SCLY: variants seen among roughly 807,000 people sequenced by gnomAD.
SCLY encodes the protein putative selenocysteine lyase.
A neutral mutation model predicts 50.1 loss-of-function variants in SCLY; 38 were observed. The ratio of observed to expected loss-of-function variants is 0.76; its 90% CI spans 0.59 to 0.99. The LOEUF is 0.99. Among genes scored for constraint, SCLY ranks in the 50% least tolerant of loss-of-function variants. The pLI is 0.00. For missense variants in SCLY, 600 were observed against 620.0 expected (o/e 0.97, Z 0.34); for synonymous variants, 243 against 249.4 (o/e 0.97, Z 0.24).
chr2:238,095,268 C>T (rs572962052), intron 10 of SCLY, among the ~76,000 whole-genome samples: 1 of 152,274 alleles, frequency 6.6e-6, no homozygotes, highest in South Asian at 2.1e-4. Flanking sequence ...TTTCCTGCAA[C>T]ATCTGCCTCG....
At chr2:238,073,260 A>T (rs2065143421) in intron 4 of SCLY, among the ~76,000 whole-genome samples, 1 of 152,202 alleles carries the variant, frequency 6.6e-6, no homozygotes, top group Non-Finnish European at 1.5e-5. Context: ...TGATTACTGT[A>T]GTTTGTAGTA....
At chr2:238,079,173 C>G (rs1194671417) in intron 4 of SCLY, 1 of 143,682 alleles carries the variant, frequency 7.0e-6, no homozygotes, top group Non-Finnish European at 1.5e-5. Flanking sequence ...CTCCCAGGCT[C>G]AAGTGATCCT....
Position 238,098,260 on chromosome 2 carries a change from C to G in SCLY, c.1243C>G (p.Arg415Gly), listed in dbSNP as rs367625492. 1 of 1,610,598 alleles carries G rather than the reference C, an allele frequency of 6.2e-7. No homozygotes were observed. The highest frequency in any genetic ancestry group is 1.3e-5 in the African/African-American group (1 of 74,858). The change falls in exon 12 of 12, where the codon CGG becomes GGG. Residue 415 changes from arginine to glycine, a missense_variant. Physicochemically the swap from Arg to Gly is moderately radical, Grantham distance 125. Transcript: ENST00000254663. ...CTTCGACGTGGCCAGGAACGCGCTC[C>G]GGCTCAGCGTGGGCCGCAGCACCAC... ...VPFDVARNAL[R>G]LSVGRSTTRA...
chr2:238,091,246 C>A lies in SCLY; in HGVS notation c.913C>A (p.Leu305Ile), dbSNP rs368821916. Reference sequence around the variant, plus strand: ...AGAGAACACCCCAATGATTGCTGGCCTTGGGAAGGTGAGCCCTGGTGAGCT... The same window carrying A: ...AGAGAACACCCCAATGATTGCTGGCATTGGGAAGGTGAGCCCTGGTGAGCT... Reference protein sequence around the residue: ...GTENTPMIAGLGKAAELVTQN... With the variant: ...GTENTPMIAGIGKAAELVTQN... The change falls in exon 8 of 12, where the codon CTT becomes ATT. Residue 305 changes from leucine (L) to isoleucine (I), a missense_variant. By Grantham distance (5) the Leu-to-Ile change is conservative. Coordinates refer to ENST00000254663, the MANE Select transcript of SCLY (RefSeq NM_016510.7). The A allele has an allele frequency of 1.2e-6, 2 of 1,613,420 alleles. No individual in the cohort carries two copies. The highest frequency in any genetic ancestry group is 1.7e-6 in the Non-Finnish European group (2 of 1,179,514).
intron 1 of SCLY, among the ~76,000 whole-genome samples, chr2:238,062,689 G>C (rs1052849095): frequency 3.3e-5 from 5 of 152,256 alleles, no homozygotes; most frequent in African/African-American, 1.2e-4. Context: ...CGGGATTACA[G>C]GCGTGAGCCA....
intron 8 of SCLY, 130 bp downstream of exon 8, chr2:238,091,384 C>A: frequency 1.2e-6 from 1 of 808,424 alleles, no homozygotes; most frequent in Non-Finnish European, 2.2e-6. Flanking sequence ...CAAGAAAAAG[C>A]CTGGAATCTG....
intron 4 of SCLY, 54 bp from the exon 5 acceptor site, chr2:238,081,655 T>C: frequency 1.9e-6 from 3 of 1,582,662 alleles, no homozygotes; most frequent in Non-Finnish European, 2.6e-6. Flanking sequence ...GGAACGCAGT[T>C]TTGAGAGGAA....
At position 238,098,605 on chromosome 2, in the gene SCLY, A is replaced by ACCGCCCACATGGGAACGCCCACATG. The variant is rs1553568600; in HGVS notation, c.*250_*251insCCGCCCACATGGGAACGCCCACATG. 1,527 of 311,218 alleles carry ACCGCCCACATGGGAACGCCCACATG rather than the reference A, an allele frequency of 4.9e-3. 89 individuals are homozygous for ACCGCCCACATGGGAACGCCCACATG. Among genetic ancestry groups the ACCGCCCACATGGGAACGCCCACATG allele is most frequent in the Non-Finnish European group, 6.1e-3 (1,162 of 189,170 alleles). 19.3% of individuals were successfully genotyped at this position (311,218 alleles called of 1,614,324 possible). A position where few individuals can be genotyped will look rare whatever the true frequency, so the allele number is the denominator to read the frequency against. On this transcript the variant is annotated 3_prime_UTR_variant, in exon 12 of 12. Coordinates refer to ENST00000254663, the MANE Select transcript of SCLY (RefSeq NM_016510.7). ...ACCGCCCACATAGGACCGCCCACAT[A>ACCGCCCACATGGGAACGCCCACATG]GGACCGCCCACATGGGACCGCCCAC...
rs1691347263 is a variant in SCLY at position 238,098,651 on chromosome 2, C to CGCCCACATAGAACCGTCCACATGGGAA, written c.*296_*297insGCCCACATAGAACCGTCCACATGGGAA. On this transcript the variant is annotated 3_prime_UTR_variant, in exon 12 of 12. Transcript: ENST00000254663. ...CCCACATGGGACCGCCCACATGGGACCGCCCACATAGAACCGTCCTCCAGT... is the reference window on the plus strand; with the variant it reads ...CCCACATGGGACCGCCCACATGGGACGCCCACATAGAACCGTCCACATGGGAACGCCCACATAGAACCGTCCTCCAGT... The CGCCCACATAGAACCGTCCACATGGGAA allele has an allele frequency of 2.5e-5, 8 of 322,104 alleles. No homozygotes were observed. In the South Asian group the frequency reaches 4.2e-4, roughly 17 times the overall value. 20.0% of individuals were successfully genotyped at this position (322,104 alleles called of 1,614,324 possible).
At chr2:238,094,778 C>T (rs1029351633) in intron 10 of SCLY, 15 of 436,014 alleles carry the variant, frequency 3.4e-5, no homozygotes, top group Middle Eastern at 1.2e-3. Flanking sequence ...GGCAAACTCT[C>T]GTGTCTGGCA....
chr2:238,068,113 A>G lies in SCLY; in HGVS notation c.251A>G (p.Lys84Arg). 2.5e-6 allele frequency: 4 copies of G among 1,612,378 alleles called. No homozygotes were observed. The highest frequency in any genetic ancestry group is 3.4e-6 in the Non-Finnish European group (4 of 1,179,370). ...IINAARESLA[K>R]MIGGKPQDII... ...AATGCAGCTCGGGAAAGCCTCGCGA[A>G]GATGATAGGGGGGAAACCTCAAGAT... Residue 84 changes from lysine (K) to arginine (R), a missense_variant, in exon 3 of 12, where the codon AAG (lysine) becomes AGG (arginine). Physicochemically the swap from Lys to Arg is conservative, Grantham distance 26. Coordinates refer to ENST00000254663, the MANE Select transcript of SCLY (RefSeq NM_016510.7).
intron 7 of SCLY, among the ~76,000 whole-genome samples, chr2:238,089,343 CA>C (rs2065336191): frequency 6.6e-6 from 1 of 152,140 alleles, no homozygotes; most frequent in Non-Finnish European, 1.5e-5. Flanking sequence ...CAATTTCTAT[CA>C]AAATCCCAGC....
chr2:238,068,329 G>A (rs2065094678), intron 3 of SCLY, 164 bp downstream of exon 3: 1 of 531,812 alleles, frequency 1.9e-6, no homozygotes, highest in Non-Finnish European at 3.2e-6. Flanking sequence ...CAGGAGGGTT[G>A]GTTGAGCCCA....
chr2:238,069,571 G>A lies in SCLY; in HGVS notation c.484+94G>A. 8.6e-7 allele frequency: 1 copy of A among 1,158,032 alleles called. No individual in the cohort carries two copies. The highest frequency in any genetic ancestry group is 1.2e-6 in the Non-Finnish European group (1 of 832,726). 71.7% of individuals were successfully genotyped at this position (1,158,032 alleles called of 1,614,324 possible). On this transcript the variant is annotated intron_variant, in intron 4 of 11. Transcript: ENST00000254663. The surrounding 1 kb of genome is among the most constrained non-coding windows in gnomAD (Gnocchi z 5.0). ...CGAGCAGAGCCCGGGATCCGCTGCA[G>A]AGATGTAGATTCAGTGTGCCACTCA... is the stretch of plus-strand genomic sequence containing the variant.
chr2:238,093,985 C>G, intron 9 of SCLY, 41 bp downstream of exon 9: 1 of 1,562,516 alleles, frequency 6.4e-7, no homozygotes, highest in Non-Finnish European at 8.8e-7. Context: ...GGGGAGGGTG[C>G]GTGGGGCAGG....
rs1281797735 is a variant in SCLY at position 238,098,334 on chromosome 2, G to A, written c.1317G>A (p.Ala439=). 16 of 1,601,992 alleles carry A rather than the reference G, an allele frequency of 1.0e-5. No homozygotes were observed. Among genetic ancestry groups the A allele is most frequent in the Non-Finnish European group, 1.4e-5 (16 of 1,177,684 alleles). Residue 439 remains alanine (A), a synonymous_variant, in exon 12 of 12, where the codon GCG becomes GCA. Coordinates refer to ENST00000254663, the MANE Select transcript of SCLY (RefSeq NM_016510.7). The stretch of plus-strand genomic sequence containing the variant: ...TGCAGGACCTGAAGCAGGCCGTGGC[G>A]CAGCTGGAGGACCAGGCCTAGCACT... ...LVVQDLKQAV[A]QLEDQA is the part of the protein sequence containing the mutation.
intron 4 of SCLY, among the ~76,000 whole-genome samples, chr2:238,070,845 T>C (rs941481490): frequency 1.3e-5 from 2 of 151,884 alleles, no homozygotes; most frequent in African/African-American, 4.8e-5. Context: ...TTTTTTTTTT[T>C]CTTTGAGATG....
chr2:238,074,474 A>T (rs2065154288), intron 4 of SCLY, among the ~76,000 whole-genome samples: 1 of 151,882 alleles, frequency 6.6e-6, no homozygotes, highest in Non-Finnish European at 1.5e-5. Flanking sequence ...TTTAATTGTT[A>T]GTTTAGTTTA....
At chr2:238,073,812 A>T in intron 4 of SCLY, 1 of 462,424 alleles carries the variant, frequency 2.2e-6, no homozygotes, top group South Asian at 1.6e-5. Flanking sequence ...ATGAAGATGA[A>T]GACCTTTATG....
Sources: gnomAD v4.1 joint callset for allele counts (sites outside exome capture counted in the v4.1 genomes callset) on GRCh38, gnomAD v4.1.1 for gene constraint, Gnocchi (gnomAD v3.1) non-coding constraint, MANE v1.5 for transcripts, NCBI Gene and HGNC (gene_info 2026-07-23, HGNC 2026-07-21) for gene names.